Variants in CNGA1 observed in about 807,000 individuals in gnomAD.
CNGA1 encodes the protein cyclic nucleotide-gated channel alpha-1.
A neutral mutation model predicts 69.7 loss-of-function variants in CNGA1; 53 were observed. That is an observed-to-expected ratio of 0.76 (90% CI 0.61 to 0.96). The LOEUF is 0.96. Among genes scored for constraint, CNGA1 ranks in the 40% least tolerant of loss-of-function variants. CNGA1 has a pLI of 0.00. For missense variants in CNGA1, 739 were observed against 811.2 expected, an observed-to-expected ratio of 0.91 and a Z score of 1.08; for synonymous variants, 249 against 283.5, an observed-to-expected ratio of 0.88 and a Z score of 1.22.
At chr4:47,975,918 A>T (rs1371138426) in intron 3 of CNGA1, among the ~76,000 whole-genome samples, 1 of 151,768 alleles carries the variant, frequency 6.6e-6, no homozygotes. Context: ...ATATTTAATT[A>T]TAAAAATTAT....
At chr4:48,002,429 C>A (rs1374451696) in intron 2 of CNGA1, among the ~76,000 whole-genome samples, 2 of 152,020 alleles carry the variant, frequency 1.3e-5, no homozygotes, top group African/African-American at 4.8e-5. Flanking sequence ...TTAATAGATA[C>A]AAGACTAGTC....
chr4:48,002,225 T>C (rs1714691994), intron 2 of CNGA1, among the ~76,000 whole-genome samples: 1 of 151,836 alleles, frequency 6.6e-6, no homozygotes, highest in African/African-American at 2.4e-5. Context: ...TAAAAATAGG[T>C]AAGGAAAATC....
chr4:48,013,070 T>C (rs774869268), intron 1 of CNGA1: 3 of 152,222 alleles, frequency 2.0e-5, no homozygotes, highest in Non-Finnish European at 4.4e-5. Context: ...AGAGAAGTTG[T>C]ACAGCAAAAT....
rs28642966 is a variant in CNGA1, at chr4:47,943,278, C to T, written c.340G>A (p.Asp114Asn). 206,162 of 1,291,432 alleles carry T rather than the reference C, an allele frequency of 0.16. 15,664 individuals carry two copies. Among genetic ancestry groups the T allele is most frequent in the East Asian group, 0.42 (14,118 of 33,602 alleles). The allele number at this position is 1,291,432 out of a possible 1,614,324, so 80.0% of individuals were successfully genotyped here. A position where few individuals can be genotyped will look rare whatever the true frequency, so the allele number is the denominator to read the frequency against. The change falls in exon 8 of 11, where the codon GAT becomes AAT. Residue 114 changes from aspartate to asparagine, a missense_variant. By Grantham distance (23) the Asp-to-Asn change is conservative. Transcript: ENST00000514170. Reference protein sequence around the residue: ...KKKEKKSKSDDKNENKNDPEK... With the variant: ...KKKEKKSKSDNKNENKNDPEK... Reference sequence around the variant, plus strand: ...GGGTCGTTTTTATTTTCGTTTTTATCATCTGACTTGCTGAAAAAATTAAGC... The same window carrying T: ...GGGTCGTTTTTATTTTCGTTTTTATTATCTGACTTGCTGAAAAAATTAAGC...
chr4:47,986,282 C>A, intron 2 of CNGA1, among the ~76,000 whole-genome samples: 1 of 151,860 alleles, frequency 6.6e-6, no homozygotes, highest in Non-Finnish European at 1.5e-5. Context: ...TGGTGCATGC[C>A]CATAATCCCA....
intron 2 of CNGA1, among the ~76,000 whole-genome samples, chr4:47,994,619 CA>C (rs1322751919): frequency 2.0e-5 from 3 of 152,054 alleles, no homozygotes; most frequent in South Asian, 2.1e-4. Flanking sequence ...AATTCTTATC[CA>C]TTCTGTAATT....
chr4:47,970,691 A>G (rs1320979431), intron 3 of CNGA1, among the ~76,000 whole-genome samples: 1 of 150,412 alleles, frequency 6.6e-6, no homozygotes, highest in South Asian at 2.1e-4. Flanking sequence ...ACCGTTGTCT[A>G]CTGAATTATT....
At chr4:48,011,432 T>C (rs1314926479) in intron 1 of CNGA1, among the ~76,000 whole-genome samples, 1 of 147,968 alleles carries the variant, frequency 6.8e-6, no homozygotes, top group African/African-American at 2.5e-5. Flanking sequence ...CACACACACA[T>C]CTTGGATGTT....
intron 2 of CNGA1, among the ~76,000 whole-genome samples, chr4:48,008,785 C>G (rs940370185): frequency 6.6e-6 from 1 of 152,166 alleles, no homozygotes; most frequent in Non-Finnish European, 1.5e-5. Flanking sequence ...TGCTTATTCC[C>G]AAACTTTAGA....
chr4:47,987,468 G>A (rs11734881), intron 2 of CNGA1, among the ~76,000 whole-genome samples: 79,947 of 151,978 alleles, frequency 0.53, 23,061 homozygotes, highest in Non-Finnish European at 0.64. Context: ...ATCAGGAACC[G>A]TGTCTATGTT....
At chr4:47,999,281 T>C (rs1168226573) in intron 2 of CNGA1, among the ~76,000 whole-genome samples, 4 of 152,230 alleles carry the variant, frequency 2.6e-5, no homozygotes, top group African/African-American at 9.6e-5. Context: ...TGTCCATGGT[T>C]TCAGGCACCC....
intron 3 of CNGA1, among the ~76,000 whole-genome samples, chr4:47,961,506 G>T (rs1309270589): frequency 6.6e-6 from 1 of 152,180 alleles, no homozygotes; most frequent in Non-Finnish European, 1.5e-5. Context: ...ACTTTGGGAG[G>T]CCAAGGAGGG....
intron 2 of CNGA1, among the ~76,000 whole-genome samples, chr4:48,006,921 A>T (rs934261401): frequency 6.6e-6 from 1 of 152,180 alleles, no homozygotes; most frequent in Admixed American, 6.5e-5. Context: ...AGCCAAAAAA[A>T]AGACATAATT....
At chr4:47,940,146 A>G (rs1738986304) in intron 10 of CNGA1, among the ~76,000 whole-genome samples, 1 of 152,216 alleles carries the variant, frequency 6.6e-6, no homozygotes, top group Admixed American at 6.5e-5. Context: ...AAAGCTACAA[A>G]TATGACAGGG....
At chr4:47,978,426 A>G (rs1222812751) in intron 3 of CNGA1, among the ~76,000 whole-genome samples, 1 of 152,114 alleles carries the variant, frequency 6.6e-6, no homozygotes, top group African/African-American at 2.4e-5. Context: ...TTCTTATTAA[A>G]TGTACTCTAT....
At chr4:47,964,653 A>G (rs1217660970) in intron 3 of CNGA1, among the ~76,000 whole-genome samples, 3 of 152,134 alleles carry the variant, frequency 2.0e-5, no homozygotes, top group African/African-American at 7.2e-5. Context: ...CATTTAATCA[A>G]TAATCAATAG....
intron 8 of CNGA1, 196 bp downstream of exon 8, chr4:47,942,985 G>A (rs1320806219): frequency 2.1e-6 from 1 of 480,506 alleles, no homozygotes; most frequent in East Asian, 3.6e-5. Context: ...GCTAATTTTA[G>A]GGAAATTGGA....
chr4:47,964,496 C>T (rs1740621240), intron 3 of CNGA1, among the ~76,000 whole-genome samples: 1 of 151,744 alleles, frequency 6.6e-6, no homozygotes, highest in East Asian at 1.9e-4. Flanking sequence ...CAGAAAAAGA[C>T]ATTTGAAATT....
In CNGA1 at chr4:47,943,230, CCTTTTTCTT is replaced by C. The variant is rs1343727340; in HGVS notation, c.379_387del (p.Lys127_Lys129del). 10 of 1,600,356 alleles carry C rather than the reference CCTTTTTCTT, an allele frequency of 6.2e-6. No individual in the cohort carries two copies. The highest frequency in any genetic ancestry group is 4.5e-5 in the East Asian group (2 of 44,616). On this transcript the variant is annotated inframe_deletion, in exon 8 of 11. Coordinates refer to ENST00000514170, the MANE Select transcript of CNGA1 (RefSeq NM_001379270.1). ...TCCTCTTTCTTTTTCTTCTCTTTGT[CCTTTTTCTT>C]CTTTTTCTTCTCTGGGTCGTTTTTA...
Sources: allele counts gnomAD v4.1 joint callset (sites outside exome capture counted in the v4.1 genomes callset), GRCh38; gene constraint gnomAD v4.1.1; transcripts MANE v1.5; gene names NCBI Gene and HGNC (gene_info 2026-07-23, HGNC 2026-07-21).